OR2T2: variants seen among roughly 807,000 people sequenced by gnomAD.
OR2T2 encodes the protein olfactory receptor 2T2.
For synonymous variants in OR2T2, 50 were observed against 162.7 expected (o/e 0.31, Z 5.27); for missense variants, 138 against 409.1 (o/e 0.34, Z 5.72).
chr1:248,453,321 T>G, exon 3 of OR2T2: 1 of 1,574,880 alleles, frequency 6.3e-7, no homozygotes, highest in Non-Finnish European at 8.7e-7. Flanking sequence ...TCCCGAGAGA[T>G]CAATCACTTT....
intron 2 of OR2T2, among the ~76,000 whole-genome samples, chr1:248,448,061 CAG>C (rs1320780762): frequency 2.6e-5 from 4 of 152,278 alleles, no homozygotes; most frequent in African/African-American, 7.2e-5. Flanking sequence ...GTGGCGGACT[CAG>C]TGCTTGTGTT....
chr1:248,450,526 C>T (rs1354988732), intron 2 of OR2T2, among the ~76,000 whole-genome samples: 1 of 151,284 alleles, frequency 6.6e-6, no homozygotes, highest in Non-Finnish European at 1.5e-5. Flanking sequence ...TGTTTTACCT[C>T]CTCTTTGAAT....
At chr1:248,452,386 CA>C in intron 2 of OR2T2, among the ~76,000 whole-genome samples, 1 of 49,706 alleles carries the variant, frequency 2.0e-5, no homozygotes, top group South Asian at 1.1e-3. Context: ...AAATTCAAAT[CA>C]TTTCGCTAGG....
chr1:248,448,049 CTG>C (rs1353461899), intron 2 of OR2T2, among the ~76,000 whole-genome samples: 2 of 152,404 alleles, frequency 1.3e-5, no homozygotes, highest in African/African-American at 4.8e-5. Context: ...ATCAAATCGA[CTG>C]TGGCGGACTC....
chr1:248,446,395 C>T (rs1317208549), intron 1 of OR2T2, among the ~76,000 whole-genome samples, 194 bp from the exon 2 acceptor site: 5 of 144,860 alleles, frequency 3.5e-5, no homozygotes, highest in Middle Eastern at 7.0e-3. Context: ...TTTATAGTTG[C>T]AGGTGTCTGC....
chr1:248,447,072 G>T (rs1366969112), intron 2 of OR2T2, among the ~76,000 whole-genome samples: 1 of 152,106 alleles, frequency 6.6e-6, no homozygotes, highest in African/African-American at 2.4e-5. Flanking sequence ...GATAAAGGGG[G>T]GTGGTAACTA....
Position 248,449,832 on chromosome 1 carries a change from T to TTC in OR2T2, c.-22-2943_-22-2942insCT, listed in dbSNP as rs572066165. On this transcript the variant is annotated intron_variant, in intron 2 of 2. Transcript: ENST00000642130. The stretch of plus-strand genomic sequence containing the variant: ...TTTCTTTTTCTTTTTCTTTTTCTTT[T>TTC]TTTTTTTTTTTGGAAAGACTAGTTG... Among the ~76,000 whole-genome samples, 125 of 129,394 alleles carry TTC rather than the reference T, an allele frequency of 9.7e-4. 3 individuals are homozygous for TTC. Among genetic ancestry groups the TTC allele is most frequent in the African/African-American group, 4.8e-3 (119 of 24,606 alleles). 84.9% of individuals were successfully genotyped at this position (129,394 alleles called of 152,430 possible).
rs1662623808 is a variant in OR2T2 at position 248,445,682 on chromosome 1, G to C, written c.-246+13G>C. On this transcript the variant is annotated intron_variant, in intron 1 of 2. Coordinates refer to ENST00000642130, the Ensembl canonical transcript of OR2T2. ...CAGCTTCTCTGAGGTAGGATCCTTA[G>C]ATCTTCATGAAAAACAGAACATCAC... 1 of 152,342 alleles carries C rather than the reference G, an allele frequency of 6.6e-6. No individual in the cohort carries two copies. Among genetic ancestry groups the C allele is most frequent in the Non-Finnish European group, 1.5e-5 (1 of 68,146 alleles). 9.4% of individuals were successfully genotyped at this position (152,342 alleles called of 1,614,324 possible).
intron 1 of OR2T2, among the ~76,000 whole-genome samples, chr1:248,446,023 G>C (rs1305876752): frequency 6.9e-6 from 1 of 145,236 alleles, no homozygotes; most frequent in Non-Finnish European, 1.5e-5. Flanking sequence ...GGTAGCAGGG[G>C]TGCATACTAT....
chr1:248,445,714 A>T (rs1444171120), intron 1 of OR2T2, 45 bp downstream of exon 1: 1 of 152,154 alleles, frequency 6.6e-6, no homozygotes, highest in Non-Finnish European at 1.5e-5. Flanking sequence ...TCACCCAGAT[A>T]CTGGGATGTT....
At chr1:248,452,596 G>C (rs879512694) in intron 2 of OR2T2, among the ~76,000 whole-genome samples, 180 bp from the exon 4 acceptor site, 1 of 115,722 alleles carries the variant, frequency 8.6e-6, no homozygotes, top group Non-Finnish European at 1.7e-5. Flanking sequence ...ATGAAATTGA[G>C]TTGAGATTAA....
intron 2 of OR2T2, among the ~76,000 whole-genome samples, chr1:248,449,822 C>CTTTTTCTTTTTCTTTTTT (rs1662749277): frequency 1.6e-5 from 2 of 123,644 alleles, no homozygotes; most frequent in East Asian, 4.4e-4. Flanking sequence ...TTTTCTTTTT[C>CTTTTTCTTTTTCTTTTTT]TTTTTCTTTT....
intron 2 of OR2T2, among the ~76,000 whole-genome samples, chr1:248,449,803 GCTTTTT>G (rs201311654): frequency 3.0e-4 from 32 of 106,106 alleles, no homozygotes; most frequent in African/African-American, 4.3e-4. Context: ...GCAAATAAAA[GCTTTTT>G]CTTTTTCTTT....
At chr1:248,447,217 T>C (rs1662684252) in intron 2 of OR2T2, among the ~76,000 whole-genome samples, 1 of 149,610 alleles carries the variant, frequency 6.7e-6, no homozygotes, top group South Asian at 2.1e-4. Flanking sequence ...CGTTCATTCA[T>C]AAAAGCAGAC....
chr1:248,445,827 A>G (rs1662628623), intron 1 of OR2T2, among the ~76,000 whole-genome samples, 158 bp downstream of exon 1: 1 of 151,362 alleles, frequency 6.6e-6, no homozygotes, highest in Non-Finnish European at 1.5e-5. Context: ...AGCATAAATA[A>G]CATATATTCA....
chr1:248,454,920 C>CT (rs1289005264), exon 3 of OR2T2: 2 of 101,858 alleles, frequency 2.0e-5, no homozygotes, highest in Non-Finnish European at 3.9e-5. Context: ...ATGAATAAAC[C>CT]AAGACATTTT....
exon 3 of OR2T2, chr1:248,454,043 C>A: frequency 2.7e-6 from 1 of 376,878 alleles, no homozygotes; most frequent in South Asian, 2.3e-5. Context: ...GTGAGCATCT[C>A]CGCATTAGTC....
intron 2 of OR2T2, 140 bp from the exon 4 acceptor site, chr1:248,452,636 A>G: frequency 1.2e-6 from 1 of 802,456 alleles, no homozygotes; most frequent in Non-Finnish European, 2.0e-6. Flanking sequence ...CAGATCATTA[A>G]TACTGAAACC....
At chr1:248,446,679 C>G (rs1476951325) in exon 2 of OR2T2, 1 of 148,210 alleles carries the variant, frequency 6.7e-6, no homozygotes, top group Non-Finnish European at 1.5e-5. Flanking sequence ...CAGAAGCATT[C>G]CCCTGCACAT....
Sources: gnomAD v4.1 joint callset for allele counts (sites outside exome capture counted in the v4.1 genomes callset) on GRCh38, gnomAD v4.1.1 for gene constraint, MANE v1.5 for transcripts, NCBI Gene and HGNC (gene_info 2026-07-23, HGNC 2026-07-21) for gene names.